Variants in SAMD5 observed in about 807,000 individuals in gnomAD.
SAMD5 encodes sterile alpha motif domain containing 5.
SAMD5 carries 13 observed loss-of-function variants against 11.3 expected under a neutral mutation model. The ratio of observed to expected loss-of-function variants is 1.15; its 90% CI spans 0.75 to 1.83. SAMD5 has a LOEUF of 1.83. Ranked by LOEUF, SAMD5 falls within the 40% of genes most tolerant of loss-of-function variation. The pLI, the probability that SAMD5 is intolerant of heterozygous loss-of-function variation, is 0.00. For synonymous variants in SAMD5, 129 were observed against 111.3 expected, an observed-to-expected ratio of 1.16 and a Z score of -1.00; for missense variants, 255 against 239.1, an observed-to-expected ratio of 1.07 and a Z score of -0.44.
the SAMD5 span, among the ~76,000 whole-genome samples, chr6:147,843,932 A>G: frequency 1.4e-4 from 21 of 152,284 alleles, no homozygotes; most frequent in East Asian, 2.7e-3. Context: ...ATTGGTCTGG[A>G]CAGTGATTTC....
chr6:147,737,983 G>T (rs1207613723), downstream of SAMD5, among the ~76,000 whole-genome samples: 4 of 152,068 alleles, frequency 2.6e-5, no homozygotes, highest in African/African-American at 9.7e-5. Flanking sequence ...TAACAGTTAA[G>T]ATCTTTTGAG....
chr6:147,912,552 A>T, the SAMD5 span, among the ~76,000 whole-genome samples: 2 of 152,218 alleles, frequency 1.3e-5, no homozygotes, highest in Admixed American at 6.5e-5. Flanking sequence ...CCTTCAATCT[A>T]GCAGTCCACC....
At chr6:147,548,418 A>G (rs541923373) in intron 1 of SAMD5, among the ~76,000 whole-genome samples, 2 of 152,300 alleles carry the variant, frequency 1.3e-5, no homozygotes, top group Admixed American at 6.5e-5. Context: ...CTAATTGTTT[A>G]TTCTCTGCTT....
chr6:147,560,618 C>A lies in SAMD5; in HGVS notation c.460-3776C>A, dbSNP rs149397634. 6.8e-3 allele frequency among the ~76,000 whole-genome samples: 1,036 copies of A among 152,088 alleles called. 4 individuals are homozygous for A. The highest frequency in any genetic ancestry group is 0.014 in the Middle Eastern group (4 of 294). Reference sequence around the variant, plus strand: ...TTAGCCTGCATATCACTCTGATTGCCTTTAATTAGGAGGAAAATCACAAGC... The same window carrying A: ...TTAGCCTGCATATCACTCTGATTGCATTTAATTAGGAGGAAAATCACAAGC... On this transcript the variant is annotated intron_variant, in intron 1 of 1. Transcript: ENST00000367474.
intron 1 of SAMD5, among the ~76,000 whole-genome samples, chr6:147,559,945 G>C (rs1316742340): frequency 6.6e-6 from 1 of 152,196 alleles, no homozygotes; most frequent in Non-Finnish European, 1.5e-5. Flanking sequence ...TTAGAGGAAA[G>C]ATGATTGTTA....
the SAMD5 span, among the ~76,000 whole-genome samples, chr6:147,792,817 G>A: frequency 1.3e-5 from 2 of 152,158 alleles, no homozygotes; most frequent in African/African-American, 2.4e-5. Context: ...CCAACTGAAA[G>A]TGCTCCCAAT....
At chr6:147,582,553 C>T (rs1277642676) in intron 1 of SAMD5, among the ~76,000 whole-genome samples, 2 of 152,262 alleles carry the variant, frequency 1.3e-5, no homozygotes, top group Non-Finnish European at 2.9e-5. Flanking sequence ...CATTTGAAGT[C>T]GGCATGGGGC....
chr6:147,572,087 T>A (rs1462717457), downstream of SAMD5, among the ~76,000 whole-genome samples: 4 of 152,280 alleles, frequency 2.6e-5, no homozygotes, highest in East Asian at 7.7e-4. Context: ...GTGTATTATC[T>A]GGCATGGTGC....
intron 1 of SAMD5, among the ~76,000 whole-genome samples, chr6:147,664,677 A>G (rs923572141): frequency 6.6e-6 from 1 of 152,220 alleles, no homozygotes; most frequent in Non-Finnish European, 1.5e-5. Flanking sequence ...TGGGATTTCT[A>G]TGTAATCTCT....
At chr6:147,910,990 C>T in the SAMD5 span, among the ~76,000 whole-genome samples, 2,139 of 152,186 alleles carry the variant, frequency 0.014, 50 homozygotes, top group African/African-American at 0.048. Context: ...GGTGTTTTCT[C>T]GAGAATTGAA....
At chr6:147,945,249 C>T in the SAMD5 span, among the ~76,000 whole-genome samples, 13 of 152,288 alleles carry the variant, frequency 8.5e-5, no homozygotes, top group African/African-American at 2.9e-4. Flanking sequence ...ATCCATCTTC[C>T]ACACATGCCA....
chr6:147,819,906 G>T, the SAMD5 span, among the ~76,000 whole-genome samples: 1 of 152,162 alleles, frequency 6.6e-6, no homozygotes, highest in Non-Finnish European at 1.5e-5. Flanking sequence ...TCCCATAGTC[G>T]TGGTGGCAAC....
At chr6:147,833,573 A>G in the SAMD5 span, among the ~76,000 whole-genome samples, 1 of 152,202 alleles carries the variant, frequency 6.6e-6, no homozygotes, top group African/African-American at 2.4e-5. Flanking sequence ...TTTGCAGGAC[A>G]GTATCATTTT....
At chr6:147,524,113 G>A (rs1434440319) in intron 1 of SAMD5, among the ~76,000 whole-genome samples, 1 of 152,082 alleles carries the variant, frequency 6.6e-6, no homozygotes, top group Non-Finnish European at 1.5e-5. Context: ...TTTTGGCATA[G>A]CAGTTTGGGC....
At chr6:147,900,974 G>T in the SAMD5 span, among the ~76,000 whole-genome samples, 3 of 152,108 alleles carry the variant, frequency 2.0e-5, no homozygotes, top group East Asian at 1.9e-4. Context: ...TCAGAACCTT[G>T]TTTTTCTAAA....
At chr6:147,915,674 A>G in the SAMD5 span, among the ~76,000 whole-genome samples, 1 of 152,186 alleles carries the variant, frequency 6.6e-6, no homozygotes, top group Non-Finnish European at 1.5e-5. Flanking sequence ...TCGTTACATC[A>G]ACTGCTTTAT....
At chr6:147,722,184 GAAAACCCAAC>G (rs201505653) in intron 1 of SAMD5, among the ~76,000 whole-genome samples, 2,268 of 152,142 alleles carry the variant, frequency 0.015, 23 homozygotes, top group South Asian at 0.027. Context: ...ACAGTATCAA[GAAAACCCAAC>G]CTTGCCAATA....
chr6:147,714,822 C>T (rs561038504), intron 1 of SAMD5, among the ~76,000 whole-genome samples: 9 of 152,264 alleles, frequency 5.9e-5, no homozygotes, highest in African/African-American at 2.2e-4. Context: ...TGGGGCCATA[C>T]TTTGAGTAAC....
chr6:147,719,853 T>C (rs1292846803), intron 1 of SAMD5, among the ~76,000 whole-genome samples: 3 of 152,204 alleles, frequency 2.0e-5, no homozygotes, highest in Non-Finnish European at 2.9e-5. Flanking sequence ...CTATGTTTAA[T>C]TACCAAAAAA....
Sources: gnomAD v4.1 joint callset for allele counts (sites outside exome capture counted in the v4.1 genomes callset) on GRCh38, gnomAD v4.1.1 for gene constraint, MANE v1.5 for transcripts, NCBI Gene and HGNC (gene_info 2026-07-23, HGNC 2026-07-21) for gene names.